Variants in MPIG6B observed in about 807,000 individuals in gnomAD.
The protein encoded by MPIG6B is megakaryocyte and platelet inhibitory receptor G6b, also known as immunoglobulin receptor.
Under a neutral mutation model 24.2 loss-of-function variants are expected in MPIG6B, and 22 were observed. The ratio of observed to expected loss-of-function variants is 0.91; its 90% CI spans 0.65 to 1.30. The LOEUF (loss-of-function observed/expected upper bound fraction) is 1.30, where lower values mean the gene tolerates loss of function less well. Among genes scored for constraint, MPIG6B ranks in the 50% most tolerant of loss-of-function variants. MPIG6B has a pLI of 0.00. For synonymous variants in MPIG6B, 136 were observed against 142.0 expected (o/e 0.96, Z 0.30); for missense variants, 301 against 318.5 (o/e 0.94, Z 0.42).
rs1264850233 is a variant in MPIG6B at position 31,725,022 on chromosome 6, T to G, written c.674T>G (p.Leu225Arg). ...DHLALSRPRR[L>R]STADPADAST... ...CTAGCCCTCAGCAGGCCCCGCCGGC[T>G]GTCCACAGCGGACCCTGCTGATGCC... The change falls in exon 6 of 6, where the codon CTG becomes CGG. Residue 225 changes from leucine to arginine, a missense_variant. Coordinates refer to ENST00000649779, the MANE Select transcript of MPIG6B (RefSeq NM_138272.3). This position sits in a 1 kb window ranked among gnomAD's most constrained non-coding sequence, Gnocchi z 5.2. The G allele has an allele frequency of 6.2e-7, 1 of 1,613,916 alleles. No individual in the cohort carries two copies. The highest frequency in any genetic ancestry group is 8.5e-7 in the Non-Finnish European group (1 of 1,180,032).
intron 3 of MPIG6B, 122 bp from the exon 4 acceptor site, chr6:31,724,465 T>C (rs1161703803): frequency 4.5e-6 from 4 of 883,344 alleles, no homozygotes; most frequent in Admixed American, 1.8e-5. Context: ...GTCGGTGGGG[T>C]AGAGTCTAAG....
upstream of MPIG6B, chr6:31,723,329 C>CA (rs1806955741): frequency 6.6e-7 from 1 of 1,522,124 alleles, no homozygotes. The surrounding 1 kb of genome is among the most constrained non-coding windows in gnomAD (Gnocchi z 4.3). Flanking sequence ...GGTCCCCCCC[C>CA]AACCGGCCCC....
At chr6:31,720,753 T>C (rs962647781), upstream of MPIG6B, among the ~76,000 whole-genome samples, 1 of 152,156 alleles carries the variant, frequency 6.6e-6, no homozygotes, top group Admixed American at 6.5e-5. This position sits in a 1 kb window ranked among gnomAD's most constrained non-coding sequence, Gnocchi z 4.9. Context: ...AATAGAATCC[T>C]CTCACCCCAG....
intron 5 of MPIG6B, 47 bp from the exon 6 acceptor site, chr6:31,724,923 A>G (rs1807211656): frequency 1.9e-6 from 3 of 1,607,308 alleles, no homozygotes; most frequent in Non-Finnish European, 2.5e-6. Flanking sequence ...CTGAACCCCA[A>G]GGAAGACTGT....
chr6:31,723,462 G>C lies in MPIG6B; in HGVS notation c.61+18G>C. On this transcript the variant is annotated intron_variant, in intron 1 of 5. Coordinates refer to ENST00000649779, the MANE Select transcript of MPIG6B (RefSeq NM_138272.3). The surrounding 1 kb of genome is among the most constrained non-coding windows in gnomAD (Gnocchi z 4.3). ...CCCTGGGGGTAAGCGATCCCTGGGA[G>C]AGTTGTGATAGACGCAGAGGGGCTG... The C allele has an allele frequency of 6.2e-7, 1 of 1,609,710 alleles. No individual in the cohort carries two copies. Among genetic ancestry groups the C allele is most frequent in the Non-Finnish European group, 8.5e-7 (1 of 1,176,778 alleles).
rs1347327441 is a variant in MPIG6B, at chr6:31,726,479, A to G, written c.*1405A>G. ...GCTAATTCTTATTTATCCTTAGTTC[A>G]AGTATGGCCTTTTCTGGGAAGGTGA... On this transcript the variant is annotated 3_prime_UTR_variant, in exon 6 of 6. Transcript: ENST00000649779. This position sits in a 1 kb window ranked among gnomAD's most constrained non-coding sequence, Gnocchi z 5.1. 2 of 152,168 alleles carry G rather than the reference A, an allele frequency of 1.3e-5. No homozygotes were observed. The highest frequency in any genetic ancestry group is 2.9e-5 in the Non-Finnish European group (2 of 68,034). The allele number at this position is 152,168 out of a possible 1,614,324, so 9.4% of individuals were successfully genotyped here. A position where few individuals can be genotyped will look rare whatever the true frequency, so the allele number is the denominator to read the frequency against.
chr6:31,723,876 C>CG lies in MPIG6B; in HGVS notation c.304dup (p.Asp102GlyfsTer78), dbSNP rs1166261216. The CG allele has an allele frequency of 6.2e-7, 1 of 1,609,674 alleles. No homozygotes were observed. Among genetic ancestry groups the CG allele is most frequent in the African/African-American group, 1.3e-5 (1 of 74,724 alleles). ...CGGCGGCTGGAGCTCCTCTTGAGCG[C>CG]GGGGGACTCGGGCACTTTTTTCTGC... On this transcript the variant is annotated frameshift_variant, in exon 2 of 6. Transcript: ENST00000649779. LOFTEE classifies it high-confidence loss of function. This position sits in a 1 kb window ranked among gnomAD's most constrained non-coding sequence, Gnocchi z 4.3.
upstream of MPIG6B, chr6:31,721,698 G>A (rs755079434): frequency 1.2e-6 from 2 of 1,613,720 alleles, no homozygotes; most frequent in Non-Finnish European, 1.7e-6. Context: ...TCCTGAGAAT[G>A]GTGGCAACCA....
chr6:31,720,409 T>TTG (rs1469306293), upstream of MPIG6B, among the ~76,000 whole-genome samples: 3 of 152,096 alleles, frequency 2.0e-5, no homozygotes, highest in African/African-American at 7.2e-5. This position sits in a 1 kb window ranked among gnomAD's most constrained non-coding sequence, Gnocchi z 4.9. Flanking sequence ...AGCTGTTGCT[T>TTG]TGTGAAAGGC....
At position 31,723,892 on chromosome 6, in the gene MPIG6B, T is replaced by A. The variant is rs767576991; in HGVS notation, c.315T>A (p.Thr105=). 1.2e-5 allele frequency: 19 copies of A among 1,607,276 alleles called. No individual in the cohort carries two copies. The highest frequency in any genetic ancestry group is 1.6e-5 in the Non-Finnish European group (19 of 1,176,558). The change falls in exon 2 of 6, where the codon ACT becomes ACA. Residue 105 remains threonine, a synonymous_variant. Coordinates refer to ENST00000649779, the MANE Select transcript of MPIG6B (RefSeq NM_138272.3). The surrounding 1 kb of genome is among the most constrained non-coding windows in gnomAD (Gnocchi z 4.3). ...TCTTGAGCGCGGGGGACTCGGGCAC[T>A]TTTTTCTGCAAGGGCCGCCACGAGG... ...ELLLSAGDSG[T]FFCKGRHEDE...
Position 31,725,332 on chromosome 6 carries a change from T to A in MPIG6B, c.*258T>A. On this transcript the variant is annotated 3_prime_UTR_variant, in exon 6 of 6. Coordinates refer to ENST00000649779, the MANE Select transcript of MPIG6B (RefSeq NM_138272.3). The surrounding 1 kb of genome is among the most constrained non-coding windows in gnomAD (Gnocchi z 5.2). ...TATACCCAATCAAGCCCTAGCTCCT[T>A]TTTTTTTTTTTTTTGAGACGGAGTC... The A allele has an allele frequency of 1.3e-5, 3 of 234,392 alleles. No homozygotes were observed. Among genetic ancestry groups the A allele is most frequent in the Admixed American group, 5.7e-5 (1 of 17,476 alleles). 14.5% of individuals were successfully genotyped at this position (234,392 alleles called of 1,614,324 possible). A position where few individuals can be genotyped will look rare whatever the true frequency, so the allele number is the denominator to read the frequency against.
At position 31,724,774 on chromosome 6, in the gene MPIG6B, T is replaced by A; in HGVS notation, c.551T>A (p.Val184Glu). 1 of 1,613,426 alleles carries A rather than the reference T, an allele frequency of 6.2e-7. No individual in the cohort carries two copies. Among genetic ancestry groups the A allele is most frequent in the Admixed American group, 1.7e-5 (1 of 59,952 alleles). ...TGTCCCCCCCACATAGCTCCACTTG[T>A]GAAAACCGAGCCCCAGAGGCCAGTA... is the stretch of plus-strand genomic sequence containing the variant. ...IRPLPRFAPL[V>E]KTEPQRPVKE... The change falls in exon 5 of 6, where the codon GTG becomes GAG. Residue 184 changes from valine (V) to glutamate (E), a missense_variant. By Grantham distance (121) the Val-to-Glu change is moderately radical. Coordinates refer to ENST00000649779, the MANE Select transcript of MPIG6B (RefSeq NM_138272.3).
upstream of MPIG6B, chr6:31,723,209 C>T: frequency 1.5e-6 from 1 of 653,496 alleles, no homozygotes; most frequent in South Asian, 1.7e-5. This position sits in a 1 kb window ranked among gnomAD's most constrained non-coding sequence, Gnocchi z 4.3. Context: ...TTGAAGACTC[C>T]GAGTTTGCCT....
intron 3 of MPIG6B, 104 bp from the exon 4 acceptor site, chr6:31,724,483 C>A: frequency 9.8e-7 from 1 of 1,016,276 alleles, no homozygotes; most frequent in Non-Finnish European, 1.6e-6. Flanking sequence ...AAGTTGTTTC[C>A]GGTCTGAGCC....
In MPIG6B at chr6:31,725,279, A is replaced by C; in HGVS notation, c.*205A>C. On this transcript the variant is annotated 3_prime_UTR_variant, in exon 6 of 6. Coordinates refer to ENST00000649779, the MANE Select transcript of MPIG6B (RefSeq NM_138272.3). This position sits in a 1 kb window ranked among gnomAD's most constrained non-coding sequence, Gnocchi z 5.2. ...TACTCCCATCTCTCCTATAACCTCC[A>C]TGTCTCCCTCACCACCAGTGTCCTC... 5.4e-6 allele frequency: 3 copies of C among 558,204 alleles called. No individual in the cohort carries two copies. Among genetic ancestry groups the C allele is most frequent in the Non-Finnish European group, 9.5e-6 (3 of 315,158 alleles). 34.6% of individuals were successfully genotyped at this position (558,204 alleles called of 1,614,324 possible). A position where few individuals can be genotyped will look rare whatever the true frequency, so the allele number is the denominator to read the frequency against.
upstream of MPIG6B, chr6:31,723,102 C>A (rs1283066721): frequency 9.4e-5 from 49 of 521,934 alleles, no homozygotes; most frequent in Non-Finnish European, 1.6e-4. The surrounding 1 kb of genome is among the most constrained non-coding windows in gnomAD (Gnocchi z 4.3). Context: ...CCCTCCTCAG[C>A]CTCCTAAGTA....
At chr6:31,723,141 T>A, upstream of MPIG6B, 1 of 585,032 alleles carries the variant, frequency 1.7e-6, no homozygotes. The surrounding 1 kb of genome is among the most constrained non-coding windows in gnomAD (Gnocchi z 4.3). Flanking sequence ...CCTGAAAAGT[T>A]AAGCAGGCCA....
At position 31,724,749 on chromosome 6, in the gene MPIG6B, T is replaced by G; in HGVS notation, c.542-16T>G. ...TCACCTTCTCTCCATCCTTCAGCTC[T>G]GTCCCCCCCACATAGCTCCACTTGT... On this transcript the variant is annotated splice_polypyrimidine_tract_variant and intron_variant, in intron 4 of 5. Transcript: ENST00000649779. The G allele has an allele frequency of 6.2e-7, 1 of 1,614,010 alleles. No individual in the cohort carries two copies. Among genetic ancestry groups the G allele is most frequent in the Non-Finnish European group, 8.5e-7 (1 of 1,179,934 alleles).
upstream of MPIG6B, chr6:31,721,487 C>A: frequency 3.1e-6 from 2 of 654,444 alleles, no homozygotes; most frequent in South Asian, 4.6e-5. Context: ...GAAGCCTGGT[C>A]TTGGTGGCAC....
Sources: allele counts gnomAD v4.1 joint callset (sites outside exome capture counted in the v4.1 genomes callset), GRCh38; gene constraint gnomAD v4.1.1; non-coding constraint Gnocchi (gnomAD v3.1); transcripts MANE v1.5; gene names NCBI Gene and HGNC (gene_info 2026-07-23, HGNC 2026-07-21).